The following DRC1 variants were observed in gnomAD, a reference collection of about 807,000 sequenced individuals.
DRC1 encodes the protein dynein regulatory complex protein 1.
DRC1 carries 74 observed loss-of-function variants against 98.7 expected under a neutral mutation model. The observed-to-expected ratio is 0.75, with a 90% CI of 0.62 to 0.91. The LOEUF (loss-of-function observed/expected upper bound fraction) is 0.91, where lower values mean the gene tolerates loss of function less well. Ranked by LOEUF, DRC1 falls within the 40% of genes least tolerant of loss-of-function variation. DRC1 has a pLI of 0.00. For synonymous variants in DRC1, 336 were observed against 334.1 expected, an observed-to-expected ratio of 1.01 and a Z score of -0.06; for missense variants, 875 against 886.0, an observed-to-expected ratio of 0.99 and a Z score of 0.16.
rs1214944134 is a variant in DRC1, at chr2:26,425,210, G to A, written c.540+756G>A. 2.0e-5 allele frequency among the ~76,000 whole-genome samples: 3 copies of A among 152,260 alleles called. 1 individual carries two copies. In the South Asian group the frequency reaches 6.2e-4, roughly 32 times the overall value. On this transcript the variant is annotated intron_variant, in intron 4 of 16. Transcript: ENST00000288710. ...TTGTCCTTTTGTGACTAGCATATTT[G>A]GCTTAGTATAGATGGACTTCGTTGT...
At chr2:26,447,648 C>T (rs1042597244) in intron 10 of DRC1, among the ~76,000 whole-genome samples, 1 of 151,512 alleles carries the variant, frequency 6.6e-6, no homozygotes, top group African/African-American at 2.4e-5. Context: ...CTCACTGCAA[C>T]CTCCACCTCC....
chr2:26,453,796 A>G (rs1390481402), intron 14 of DRC1, among the ~76,000 whole-genome samples: 2 of 152,238 alleles, frequency 1.3e-5, no homozygotes, highest in African/African-American at 4.8e-5. Context: ...GAAGGCTGCC[A>G]TGTGTAAGCA....
At chr2:26,423,196 A>T (rs1256140414) in intron 3 of DRC1, among the ~76,000 whole-genome samples, 5 of 152,176 alleles carry the variant, frequency 3.3e-5, no homozygotes, top group Non-Finnish European at 7.4e-5. Context: ...TCCTCTAGCC[A>T]CAGAGGAATG....
chr2:26,444,565 T>C, intron 9 of DRC1, 151 bp from the exon 10 acceptor site: 1 of 1,013,266 alleles, frequency 9.9e-7, no homozygotes. Flanking sequence ...TGGCTTCCAG[T>C]TTATCGTAAG....
chr2:26,427,834 T>C (rs1572366442), intron 4 of DRC1, among the ~76,000 whole-genome samples: 1 of 152,246 alleles, frequency 6.6e-6, no homozygotes, highest in East Asian at 1.9e-4. Context: ...AAAGTTTGAA[T>C]TTTTGTGCCT....
Position 26,402,079 on chromosome 2 carries a change from C to T in DRC1, c.90C>T (p.Asp30=). The T allele has an allele frequency of 6.2e-7, 1 of 1,613,350 alleles. No homozygotes were observed. Among genetic ancestry groups the T allele is most frequent in the Non-Finnish European group, 8.5e-7 (1 of 1,179,828 alleles). The change falls in exon 1 of 17, where the codon GAC becomes GAT. Residue 30 remains aspartate, a synonymous_variant. Transcript: ENST00000288710. ...TTCTCGCGCCCTCGGTCCACTCCGACAACTCTCAGGAGCGCATCCAGGCCC... is the reference window on the plus strand; with the variant it reads ...TTCTCGCGCCCTCGGTCCACTCCGATAACTCTCAGGAGCGCATCCAGGCCC... ...TQILAPSVHS[D]NSQERIQARR...
intron 1 of DRC1, among the ~76,000 whole-genome samples, chr2:26,412,756 T>C (rs1229114066): frequency 2.6e-5 from 4 of 152,314 alleles, no homozygotes; most frequent in Admixed American, 2.0e-4. Context: ...AAATGTCCTG[T>C]GCACATATAA....
intron 2 of DRC1, among the ~76,000 whole-genome samples, chr2:26,418,681 T>A (rs1216565685): frequency 4.5e-5 from 4 of 88,248 alleles, no homozygotes; most frequent in African/African-American, 1.8e-4. Flanking sequence ...TTAAATATAA[T>A]TTATATTATA....
intron 7 of DRC1, 102 bp downstream of exon 7, chr2:26,432,108 A>C: frequency 6.8e-7 from 1 of 1,468,616 alleles, no homozygotes; most frequent in Admixed American, 2.3e-5. Flanking sequence ...TTCTAGAGGT[A>C]GTCCCTTCAG....
chr2:26,456,502 G>A lies in DRC1; in HGVS notation c.2208G>A (p.Arg736=). The change falls in exon 17 of 17, where the codon CGG becomes CGA. Residue 736 remains arginine, a synonymous_variant. Transcript: ENST00000288710. ...AAGTTCCTCCCACTCAGGTGTTGCGGGTACCCACAAAATGAGCTGGACCGC... is the reference window on the plus strand; with the variant it reads ...AAGTTCCTCCCACTCAGGTGTTGCGAGTACCCACAAAATGAGCTGGACCGC... ...ELQVPPTQVL[R]VPTK is the part of the protein sequence containing the mutation. 1 of 1,614,142 alleles carries A rather than the reference G, an allele frequency of 6.2e-7. No individual in the cohort carries two copies. The highest frequency in any genetic ancestry group is 8.5e-7 in the Non-Finnish European group (1 of 1,180,004).
chr2:26,444,151 C>T (rs1171876501), intron 8 of DRC1, 71 bp from the exon 9 acceptor site: 1 of 1,599,132 alleles, frequency 6.3e-7, no homozygotes, highest in Non-Finnish European at 8.5e-7. Flanking sequence ...AGAGCTGAAT[C>T]AGGTGGATGA....
intron 1 of DRC1, among the ~76,000 whole-genome samples, chr2:26,407,789 C>A (rs1245247381): frequency 1.3e-5 from 2 of 151,896 alleles, no homozygotes; most frequent in Non-Finnish European, 2.9e-5. Context: ...GGACTTGTGC[C>A]CTAAGCATCA....
Position 26,444,714 on chromosome 2 carries a change from A to C in DRC1, c.1164-2A>C. Reference sequence around the variant, plus strand: ...GCCATGCTCTGTGACTCTCCTTCACAGGCATTTTGCTCTTATTGATGATGA... The same window carrying C: ...GCCATGCTCTGTGACTCTCCTTCACCGGCATTTTGCTCTTATTGATGATGA... On this transcript the variant is annotated splice_acceptor_variant, in intron 9 of 16. Transcript: ENST00000288710. LOFTEE classifies it high-confidence loss of function. The C allele has an allele frequency of 3.7e-6, 6 of 1,613,856 alleles. No individual in the cohort carries two copies. The highest frequency in any genetic ancestry group is 5.1e-6 in the Non-Finnish European group (6 of 1,179,870).
chr2:26,431,843 G>C (rs1355650656), intron 6 of DRC1, 41 bp from the exon 7 acceptor site: 2 of 1,610,412 alleles, frequency 1.2e-6, no homozygotes, highest in South Asian at 2.2e-5. Context: ...GGTGGGGCAA[G>C]GATGGTCCCT....
intron 6 of DRC1, among the ~76,000 whole-genome samples, chr2:26,431,239 C>T (rs1459181272): frequency 6.6e-6 from 1 of 152,210 alleles, no homozygotes; most frequent in Non-Finnish European, 1.5e-5. Context: ...CAGGCGTGAG[C>T]CTCCGCGCCC....
chr2:26,438,703 TC>T (rs953175446), intron 7 of DRC1, among the ~76,000 whole-genome samples: 2 of 152,160 alleles, frequency 1.3e-5, no homozygotes, highest in African/African-American at 4.8e-5. Flanking sequence ...AAGCGTCACC[TC>T]CTAGCCAGGG....
intron 7 of DRC1, among the ~76,000 whole-genome samples, chr2:26,434,001 C>T (rs1335359600): frequency 1.3e-5 from 2 of 152,190 alleles, no homozygotes; most frequent in Admixed American, 1.3e-4. Flanking sequence ...TAAACTTTAT[C>T]ATAGTGACTC....
rs547788255 is a variant in DRC1 at position 26,448,543 on chromosome 2, A to G, written c.1397-148A>G. On this transcript the variant is annotated intron_variant, in intron 10 of 16. Coordinates refer to ENST00000288710, the MANE Select transcript of DRC1 (RefSeq NM_145038.5). ...TCCCGCCACGTAATAGGCTTTTTTC[A>G]TCATAAAGAGACTGAGAGAATGCCT... 8 of 852,018 alleles carry G rather than the reference A, an allele frequency of 9.4e-6. No homozygotes were observed. In the African/African-American group the frequency reaches 1.0e-4, roughly 11 times the overall value. 52.8% of individuals were successfully genotyped at this position (852,018 alleles called of 1,614,324 possible). A position where few individuals can be genotyped will look rare whatever the true frequency, so the allele number is the denominator to read the frequency against.
chr2:26,437,450 G>C (rs1477933654), intron 7 of DRC1, among the ~76,000 whole-genome samples: 1 of 152,248 alleles, frequency 6.6e-6, no homozygotes, highest in African/African-American at 2.4e-5. Context: ...GCAAGGGCCA[G>C]GCCTGCACTT....
Sources: gnomAD v4.1 joint callset for allele counts (sites outside exome capture counted in the v4.1 genomes callset) on GRCh38, gnomAD v4.1.1 for gene constraint, MANE v1.5 for transcripts, NCBI Gene and HGNC (gene_info 2026-07-23, HGNC 2026-07-21) for gene names.